The following PCDHA9 variants were observed in gnomAD, a reference collection of about 807,000 sequenced individuals.
PCDHA9 encodes the protein protocadherin alpha-9.
In PCDHA9, 62 loss-of-function variants were observed where a neutral mutation model predicts 62.0. That is an observed-to-expected ratio of 1.00 (90% CI 0.81 to 1.23). The LOEUF is 1.23. Ranked by LOEUF, PCDHA9 falls within the 50% of genes most tolerant of loss-of-function variation. The pLI, the probability that PCDHA9 is intolerant of heterozygous loss-of-function variation, is 0.00. For missense variants in PCDHA9, 1,205 were observed against 1,249.8 expected (o/e 0.96, Z 0.54); for synonymous variants, 557 against 567.6 (o/e 0.98, Z 0.27).
At chr5:140,868,633 C>T (rs1554162141) in intron 1 of PCDHA9, 1 of 154,552 alleles carries the variant, frequency 6.5e-6, no homozygotes, top group Non-Finnish European at 1.4e-5. Flanking sequence ...AATTCTCTTT[C>T]TCTCTCACTC....
chr5:140,993,996 G>T (rs1163632974), intron 3 of PCDHA9, among the ~76,000 whole-genome samples: 1 of 152,148 alleles, frequency 6.6e-6, no homozygotes, highest in Non-Finnish European at 1.5e-5. Flanking sequence ...CTTAGGTCAG[G>T]CCAGGCTCTG....
At chr5:140,982,711 A>T (rs370595783) in intron 3 of PCDHA9, 148 bp downstream of exon 3, 2 of 1,370,268 alleles carry the variant, frequency 1.5e-6, no homozygotes, top group African/African-American at 2.9e-5. Context: ...TTCCTTACAT[A>T]TATGATTATT....
chr5:140,876,738 G>C, intron 1 of PCDHA9: 2 of 1,614,264 alleles, frequency 1.2e-6, no homozygotes, highest in Non-Finnish European at 1.7e-6. Flanking sequence ...CGGCCTATGA[G>C]CTGGTGGTGA....
chr5:140,969,046 C>A, intron 1 of PCDHA9: 5 of 1,614,074 alleles, frequency 3.1e-6, no homozygotes, highest in Non-Finnish European at 4.2e-6. Flanking sequence ...ACAAACAAGC[C>A]AACAACAATA....
At chr5:140,869,066 T>G (rs782722664) in intron 1 of PCDHA9, 1 of 1,567,422 alleles carries the variant, frequency 6.4e-7, no homozygotes, top group Non-Finnish European at 8.6e-7. Context: ...GTACTGTAAG[T>G]GTAAAGAAGC....
intron 1 of PCDHA9, among the ~76,000 whole-genome samples, chr5:140,873,191 C>G (rs1554166611): frequency 6.6e-6 from 1 of 151,960 alleles, no homozygotes; most frequent in Non-Finnish European, 1.5e-5. Flanking sequence ...TATTCATTGG[C>G]TAAAAACATT....
intron 1 of PCDHA9, among the ~76,000 whole-genome samples, chr5:140,978,370 A>T (rs78042832): frequency 6.6e-6 from 1 of 152,200 alleles, no homozygotes; most frequent in Non-Finnish European, 1.5e-5. Context: ...AAACTCTGCA[A>T]TAGTTTGTTT....
At chr5:140,879,235 A>T (rs904336289) in intron 1 of PCDHA9, among the ~76,000 whole-genome samples, 1 of 152,240 alleles carries the variant, frequency 6.6e-6, no homozygotes, top group Non-Finnish European at 1.5e-5. Context: ...CATATACAAG[A>T]GGCACTGGCA....
chr5:141,003,104 C>G (rs1447493860), intron 3 of PCDHA9, among the ~76,000 whole-genome samples: 1 of 152,236 alleles, frequency 6.6e-6, no homozygotes, highest in East Asian at 1.9e-4. Context: ...ATTTGCTTCA[C>G]AATCTTCTGG....
chr5:140,889,868 G>A (rs905154258), intron 1 of PCDHA9, among the ~76,000 whole-genome samples: 2 of 152,136 alleles, frequency 1.3e-5, no homozygotes, highest in African/African-American at 4.8e-5. Context: ...TTTGGGGGAA[G>A]CCTGCCACCA....
intron 1 of PCDHA9, among the ~76,000 whole-genome samples, chr5:140,943,702 G>C (rs2153663732): frequency 6.6e-6 from 1 of 152,280 alleles, no homozygotes; most frequent in South Asian, 2.1e-4. Context: ...AAATATTGTG[G>C]AACACATTTA....
At chr5:140,931,962 A>G (rs1439185046) in intron 1 of PCDHA9, among the ~76,000 whole-genome samples, 1 of 151,924 alleles carries the variant, frequency 6.6e-6, no homozygotes, top group Non-Finnish European at 1.5e-5. Context: ...AATCATGTTG[A>G]TGCATATGTG....
rs184768008 is a variant in PCDHA9 at position 140,933,949 on chromosome 5, G to C, written c.2395-45000G>C. ...GTTGTGACTTTTTTTCACATCTGCA[G>C]GATCTGTAGTGATGTTTCCCTTTTC... On this transcript the variant is annotated intron_variant, in intron 1 of 3. Coordinates refer to ENST00000532602, the MANE Select transcript of PCDHA9 (RefSeq NM_031857.2). Among the ~76,000 whole-genome samples the C allele has an allele frequency of 8.5e-4, 129 of 151,910 alleles. 1 individual carries two copies. The highest frequency in any genetic ancestry group is 3.0e-3 in the African/African-American group (123 of 41,458).
At chr5:140,925,959 T>A (rs1424415985) in intron 1 of PCDHA9, among the ~76,000 whole-genome samples, 5 of 151,912 alleles carry the variant, frequency 3.3e-5, no homozygotes, top group African/African-American at 4.8e-5. Flanking sequence ...GAAACTGCTA[T>A]CACGCAAAAA....
chr5:140,904,706 A>G (rs1554191662), intron 1 of PCDHA9, among the ~76,000 whole-genome samples: 2 of 151,982 alleles, frequency 1.3e-5, no homozygotes, highest in South Asian at 2.1e-4. Flanking sequence ...TTCCCTTTTC[A>G]CCACATTCTG....
chr5:140,889,025 A>G (rs2062065518), intron 1 of PCDHA9, among the ~76,000 whole-genome samples: 1 of 152,068 alleles, frequency 6.6e-6, no homozygotes, highest in South Asian at 2.1e-4. Flanking sequence ...TTCCTTGGAT[A>G]ACCGTAATTT....
At chr5:140,963,693 A>G (rs782642148) in intron 1 of PCDHA9, among the ~76,000 whole-genome samples, 15 of 152,210 alleles carry the variant, frequency 9.9e-5, no homozygotes, top group Non-Finnish European at 2.2e-4. Context: ...TCCGTGTTTG[A>G]TATCTAAAGG....
chr5:140,965,121 T>G (rs1454584682), intron 1 of PCDHA9, among the ~76,000 whole-genome samples: 6 of 152,178 alleles, frequency 3.9e-5, no homozygotes, highest in African/African-American at 1.4e-4. Flanking sequence ...TAGAGGAAGA[T>G]CTACAGATGA....
chr5:140,924,238 T>A (rs781820581), intron 1 of PCDHA9, among the ~76,000 whole-genome samples: 5 of 152,244 alleles, frequency 3.3e-5, no homozygotes, highest in Admixed American at 1.3e-4. Flanking sequence ...ATGGGCTGTT[T>A]TGCATCCTGG....
Sources: gnomAD v4.1 joint callset for allele counts (sites outside exome capture counted in the v4.1 genomes callset) on GRCh38, gnomAD v4.1.1 for gene constraint, MANE v1.5 for transcripts, NCBI Gene and HGNC (gene_info 2026-07-23, HGNC 2026-07-21) for gene names.